Variants in LRFN5 observed in about 807,000 individuals in gnomAD.
LRFN5 encodes leucine rich repeat and fibronectin type III domain containing 5.
LRFN5 carries 24 observed loss-of-function variants against 45.6 expected under a neutral mutation model. The ratio of observed to expected loss-of-function variants is 0.53; its 90% CI spans 0.38 to 0.74. The LOEUF (loss-of-function observed/expected upper bound fraction) is 0.74. Ranked by LOEUF, LRFN5 falls within the 30% of genes least tolerant of loss-of-function variation. The probability of loss-of-function intolerance (pLI) is 0.00; values close to 1 mark genes in which losing one functional copy is unlikely to be tolerated. For synonymous variants in LRFN5, 340 were observed against 313.8 expected, an observed-to-expected ratio of 1.08 and a Z score of -0.88; for missense variants, 776 against 861.5, an observed-to-expected ratio of 0.90 and a Z score of 1.24.
At chr14:41,844,352 G>A (rs939506107) in intron 2 of LRFN5, among the ~76,000 whole-genome samples, 2 of 151,648 alleles carry the variant, frequency 1.3e-5, no homozygotes, top group Non-Finnish European at 2.9e-5. Flanking sequence ...CAGGAGAATG[G>A]CGTGAACCCA....
At chr14:41,669,956 T>G (rs1347116520) in intron 1 of LRFN5, among the ~76,000 whole-genome samples, 1 of 141,532 alleles carries the variant, frequency 7.1e-6, no homozygotes, top group Non-Finnish European at 1.5e-5. Flanking sequence ...ATTTGCTATA[T>G]TAAAGAAAAA....
At position 41,674,557 on chromosome 14, in the gene LRFN5, A is replaced by AC. The variant is rs576013670; in HGVS notation, c.-197+66002dup. Among the ~76,000 whole-genome samples, 101 of 118,890 alleles carry AC rather than the reference A, an allele frequency of 8.5e-4. 3 individuals carry two copies. The highest frequency in any genetic ancestry group is 2.8e-3 in the African/African-American group (83 of 29,220). The allele number at this position is 118,890 out of a possible 152,430, so 78.0% of individuals were successfully genotyped here. On this transcript the variant is annotated intron_variant, in intron 1 of 5. Coordinates refer to ENST00000298119, the MANE Select transcript of LRFN5 (RefSeq NM_152447.5). ...GGGCGGCTGGCCGGGCAGGGGGCTG[A>AC]CCCCCCCACCTCTCTCCAGGACGGG... is the stretch of plus-strand genomic sequence containing the variant.
intron 2 of LRFN5, among the ~76,000 whole-genome samples, chr14:41,880,763 A>T (rs1423846559): frequency 5.3e-5 from 8 of 152,010 alleles, no homozygotes; most frequent in Admixed American, 5.3e-4. Flanking sequence ...TTTAAAAAAA[A>T]TTCCCTTTTT....
At chr14:41,673,879 G>A (rs1397400935) in intron 1 of LRFN5, among the ~76,000 whole-genome samples, 3 of 148,146 alleles carry the variant, frequency 2.0e-5, no homozygotes, top group African/African-American at 5.0e-5. Flanking sequence ...CAGACAGGGC[G>A]GCTGGCCAGG....
At chr14:41,878,553 G>T (rs1483870602) in intron 2 of LRFN5, among the ~76,000 whole-genome samples, 1 of 152,098 alleles carries the variant, frequency 6.6e-6, no homozygotes, top group Non-Finnish European at 1.5e-5. Flanking sequence ...TTTTCAGTTT[G>T]TGTGTAATAG....
chr14:41,703,011 A>T (rs1299538108), intron 1 of LRFN5, among the ~76,000 whole-genome samples: 2 of 152,078 alleles, frequency 1.3e-5, no homozygotes, highest in African/African-American at 4.8e-5. Context: ...TTATTAAAAG[A>T]TCCTTTTAGC....
chr14:41,846,475 A>G (rs944359046), intron 2 of LRFN5, among the ~76,000 whole-genome samples: 3 of 152,194 alleles, frequency 2.0e-5, no homozygotes, highest in Non-Finnish European at 4.4e-5. Context: ...TATTGAGGGA[A>G]AGAGGTCACA....
intron 2 of LRFN5, among the ~76,000 whole-genome samples, chr14:41,789,327 A>G (rs1886836797): frequency 6.6e-6 from 1 of 152,002 alleles, no homozygotes; most frequent in Non-Finnish European, 1.5e-5. Context: ...AAATAATTCC[A>G]GTATATGGAT....
chr14:41,867,372 T>A (rs912384), intron 2 of LRFN5, among the ~76,000 whole-genome samples: 1 of 151,808 alleles, frequency 6.6e-6, no homozygotes, highest in Non-Finnish European at 1.5e-5. Context: ...GTGTGGAGGG[T>A]TATGTGTGTG....
intron 2 of LRFN5, among the ~76,000 whole-genome samples, chr14:41,810,416 G>A (rs1887697177): frequency 6.6e-6 from 1 of 152,036 alleles, no homozygotes; most frequent in African/African-American, 2.4e-5. Flanking sequence ...TTAGTTTCAT[G>A]TCTGTTCTAA....
intron 1 of LRFN5, among the ~76,000 whole-genome samples, chr14:41,753,628 A>C (rs934866022): frequency 5.9e-5 from 9 of 152,240 alleles, no homozygotes; most frequent in South Asian, 2.1e-4. Flanking sequence ...TATCCTGAGA[A>C]TTTGCTGAAG....
rs146480792 is a variant in LRFN5 at position 41,736,414 on chromosome 14, G to A, written c.-196-30440G>A. Among the ~76,000 whole-genome samples, 1,171 of 152,284 alleles carry A rather than the reference G, an allele frequency of 7.7e-3. 10 individuals are homozygous for A. The highest frequency in any genetic ancestry group is 0.011 in the Non-Finnish European group (779 of 68,026). On this transcript the variant is annotated intron_variant, in intron 1 of 5. Coordinates refer to ENST00000298119, the MANE Select transcript of LRFN5 (RefSeq NM_152447.5). ...CCTCATTAATGTCTTCTTTTGAGAA[G>A]TGTCTGTTCACATCCTTTGCCCACT... is the stretch of plus-strand genomic sequence containing the variant.
At chr14:41,744,089 C>T (rs1190461242) in intron 1 of LRFN5, among the ~76,000 whole-genome samples, 2 of 152,182 alleles carry the variant, frequency 1.3e-5, no homozygotes, top group Non-Finnish European at 2.9e-5. Context: ...TGCAGTACCT[C>T]ATGCCTATAA....
At chr14:41,839,563 C>G (rs1432432297) in intron 2 of LRFN5, among the ~76,000 whole-genome samples, 2 of 152,084 alleles carry the variant, frequency 1.3e-5, no homozygotes, top group Non-Finnish European at 1.5e-5. Context: ...TCCATACAAG[C>G]AAGCCTAGGT....
At chr14:41,677,044 A>C (rs1343458851) in intron 1 of LRFN5, among the ~76,000 whole-genome samples, 1 of 152,216 alleles carries the variant, frequency 6.6e-6, no homozygotes, top group African/African-American at 2.4e-5. Flanking sequence ...AATTAAACAT[A>C]AGTTTTGACC....
At chr14:41,674,241 G>A (rs1461562741) in intron 1 of LRFN5, among the ~76,000 whole-genome samples, 20 of 125,650 alleles carry the variant, frequency 1.6e-4, no homozygotes, top group South Asian at 2.8e-4. Context: ...GCGGCTGGCC[G>A]GGCAGAGGGG....
intron 2 of LRFN5, among the ~76,000 whole-genome samples, chr14:41,816,082 T>A (rs1356932112): frequency 6.6e-6 from 1 of 152,144 alleles, no homozygotes; most frequent in Non-Finnish European, 1.5e-5. Flanking sequence ...GTGTGAGTTT[T>A]ATATTTCTAT....
At chr14:41,857,492 C>T (rs933764517) in intron 2 of LRFN5, among the ~76,000 whole-genome samples, 1 of 152,092 alleles carries the variant, frequency 6.6e-6, no homozygotes, top group Non-Finnish European at 1.5e-5. Context: ...ATTTTTTCTA[C>T]CTTCAAGTAA....
intron 1 of LRFN5, among the ~76,000 whole-genome samples, chr14:41,680,911 CAA>C: frequency 6.6e-6 from 1 of 151,838 alleles, no homozygotes; most frequent in East Asian, 2.0e-4. Flanking sequence ...ACAAATTTAA[CAA>C]AGAGATAGAA....
Sources: allele counts gnomAD v4.1 joint callset (sites outside exome capture counted in the v4.1 genomes callset), GRCh38; gene constraint gnomAD v4.1.1; transcripts MANE v1.5; gene names NCBI Gene and HGNC (gene_info 2026-07-23, HGNC 2026-07-21).